DLGAP3: variants seen among roughly 807,000 people sequenced by gnomAD.
The protein encoded by DLGAP3 is disks large-associated protein 3.
A neutral mutation model predicts 81.2 loss-of-function variants in DLGAP3; 17 were observed. The observed-to-expected ratio is 0.21, with a 90% CI of 0.14 to 0.31. The LOEUF (loss-of-function observed/expected upper bound fraction) is 0.31. DLGAP3 is among the 10% of genes least tolerant of loss of function. The probability of loss-of-function intolerance (pLI) is 1.00; values close to 1 mark genes in which losing one functional copy is unlikely to be tolerated. For synonymous variants in DLGAP3, 577 were observed against 587.4 expected (o/e 0.98, Z 0.26); for missense variants, 1,124 against 1,388.0 (o/e 0.81, Z 3.02).
intron 8 of DLGAP3, 137 bp downstream of exon 8, chr1:34,884,841 A>T: frequency 1.4e-6 from 1 of 729,414 alleles, no homozygotes; most frequent in Non-Finnish European, 2.4e-6. Flanking sequence ...GGCTGCTCTG[A>T]CCACCCTCTA....
In DLGAP3 at chr1:34,867,648, C is replaced by T. The variant is rs1354163990; in HGVS notation, c.2486-21G>A. On this transcript the variant is annotated intron_variant, in intron 9 of 11. Transcript: ENST00000373347. This position sits in a 1 kb window ranked among gnomAD's most constrained non-coding sequence, Gnocchi z 4.3. ...CAGGACTAGAAAGCAGAAGGAAATT[C>T]AGGGAGGGAAATGATGCATCTCCTT... is the stretch of plus-strand genomic sequence containing the variant. 3.8e-6 allele frequency: 6 copies of T among 1,590,894 alleles called. No homozygotes were observed. In the African/African-American group the frequency reaches 4.0e-5, roughly 11 times the overall value.
Position 34,885,588 on chromosome 1 carries a change from G to T in DLGAP3, c.1804C>A (p.Pro602Thr). Residue 602 changes from proline (P) to threonine (T), a missense_variant, in exon 7 of 12, where the codon CCC becomes ACC. By Grantham distance (38) the Pro-to-Thr change is conservative (BLOSUM62 -1). Coordinates refer to ENST00000373347, the MANE Select transcript of DLGAP3 (RefSeq NM_001080418.3). ...GTGGGGGGCTTGGGGCTGGCCCGGG[G>T]CGGCACCGGCGCCAACTCCAGTGTG... ...ARTLELAPVP[P>T]RASPKPPTLI... is the part of the protein sequence containing the mutation. The T allele has an allele frequency of 1.3e-6, 2 of 1,594,058 alleles. No individual in the cohort carries two copies. Among genetic ancestry groups the T allele is most frequent in the South Asian group, 1.1e-5 (1 of 89,690 alleles).
intron 8 of DLGAP3, among the ~76,000 whole-genome samples, chr1:34,875,090 G>A (rs1229996011): frequency 6.6e-6 from 1 of 152,142 alleles, no homozygotes; most frequent in Non-Finnish European, 1.5e-5. Context: ...GGTAGCATCT[G>A]TGCCCAGGGC....
rs767562574 is a variant in DLGAP3, at chr1:34,904,806, C to T, written c.578G>A (p.Arg193Gln). The T allele has an allele frequency of 3.7e-6, 6 of 1,610,486 alleles. No individual in the cohort carries two copies. Among genetic ancestry groups the T allele is most frequent in the Non-Finnish European group, 4.2e-6 (5 of 1,179,994 alleles). ...KSHSLEAPGKRDYNGPKAEGR... is the reference protein window; with the variant it reads ...KSHSLEAPGKQDYNGPKAEGR... ...CTCAGCCTTGGGCCCATTATAGTCC[C>T]GCTTCCCCGGCGCCTCCAGAGAGTG... is the stretch of plus-strand genomic sequence containing the variant. Residue 193 changes from arginine to glutamine, a missense_variant, in exon 3 of 12, where the codon CGG becomes CAG. Transcript: ENST00000373347. The surrounding 1 kb of genome is among the most constrained non-coding windows in gnomAD (Gnocchi z 8.1).
intron 1 of DLGAP3, among the ~76,000 whole-genome samples, chr1:34,915,633 G>A (rs190669457): frequency 1.3e-3 from 197 of 152,320 alleles, no homozygotes; most frequent in African/African-American, 4.5e-3. Context: ...TCCCACAGGA[G>A]AGTCCAGCAC....
intron 1 of DLGAP3, among the ~76,000 whole-genome samples, chr1:34,908,445 G>A (rs892587628): frequency 1.3e-5 from 2 of 152,230 alleles, no homozygotes; most frequent in African/African-American, 4.8e-5. Flanking sequence ...GAAGAGGTGT[G>A]CAAATAGGGA....
intron 8 of DLGAP3, among the ~76,000 whole-genome samples, chr1:34,871,347 C>CTTG (rs1638977565): frequency 1.3e-5 from 2 of 152,200 alleles, no homozygotes; most frequent in Non-Finnish European, 2.9e-5. Context: ...AATGGCCTTC[C>CTTG]TCCTCCTGGC....
rs116712154 is a variant in DLGAP3, at chr1:34,875,051, C to T, written c.2001-5962G>A. On this transcript the variant is annotated intron_variant, in intron 8 of 11. Coordinates refer to ENST00000373347, the MANE Select transcript of DLGAP3 (RefSeq NM_001080418.3). ...GGAGTCATGAGGGTCAGTCAGAAACCGTCCTAAATTTGCAGGCTCAGGAAT... is the reference window on the plus strand; with the variant it reads ...GGAGTCATGAGGGTCAGTCAGAAACTGTCCTAAATTTGCAGGCTCAGGAAT... Among the ~76,000 whole-genome samples, 1,409 of 152,158 alleles carry T rather than the reference C, an allele frequency of 9.3e-3. 17 individuals are homozygous for T. The highest frequency in any genetic ancestry group is 0.03 in the African/African-American group (1,244 of 41,518).
intron 1 of DLGAP3, among the ~76,000 whole-genome samples, chr1:34,928,437 G>A (rs1171352079): frequency 6.6e-6 from 1 of 151,894 alleles, no homozygotes; most frequent in Admixed American, 6.6e-5. Context: ...ACCCACCAGG[G>A]GCCTTAGCAT....
At position 34,926,427 on chromosome 1, in the gene DLGAP3, G is replaced by T. The variant is rs903504173; in HGVS notation, c.-135+3024C>A. 2.7e-4 allele frequency among the ~76,000 whole-genome samples: 41 copies of T among 152,220 alleles called. 1 individual carries two copies. Among genetic ancestry groups the T allele is most frequent in the Non-Finnish European group, 2.9e-5 (2 of 68,042 alleles). ...CCCCAGACGGCAGGAGGCCCGCTGA[G>T]CCAGCAGCCTTCAGACTGGGGAGGG... On this transcript the variant is annotated intron_variant, in intron 1 of 11. Coordinates refer to ENST00000373347, the MANE Select transcript of DLGAP3 (RefSeq NM_001080418.3).
intron 1 of DLGAP3, among the ~76,000 whole-genome samples, chr1:34,909,662 T>C (rs1190897070): frequency 1.3e-5 from 2 of 152,302 alleles, no homozygotes; most frequent in East Asian, 1.9e-4. Flanking sequence ...AGAAAATATT[T>C]AATTAACAAC....
At chr1:34,916,881 AAGAGAC>A (rs1200807983) in intron 1 of DLGAP3, among the ~76,000 whole-genome samples, 1 of 151,782 alleles carries the variant, frequency 6.6e-6, no homozygotes, top group Non-Finnish European at 1.5e-5. Context: ...TGCATGTTAG[AAGAGAC>A]AGGGTTTCAT....
At chr1:34,896,481 C>T (rs950574077) in intron 5 of DLGAP3, among the ~76,000 whole-genome samples, 3 of 151,880 alleles carry the variant, frequency 2.0e-5, no homozygotes, top group African/African-American at 4.8e-5. Flanking sequence ...CCCAGTTATT[C>T]GGGAGGCTGA....
chr1:34,922,333 T>A (rs1259073173), intron 1 of DLGAP3, among the ~76,000 whole-genome samples: 1 of 152,224 alleles, frequency 6.6e-6, no homozygotes, highest in African/African-American at 2.4e-5. Flanking sequence ...CTCAAGCTGT[T>A]GGGAAGACAC....
Position 34,900,279 on chromosome 1 carries a change from G to A in DLGAP3, c.1108-6C>T. On this transcript the variant is annotated splice_region_variant and splice_polypyrimidine_tract_variant and intron_variant, in intron 3 of 11. Coordinates refer to ENST00000373347, the MANE Select transcript of DLGAP3 (RefSeq NM_001080418.3). This position sits in a 1 kb window ranked among gnomAD's most constrained non-coding sequence, Gnocchi z 5.6. ...CCCCAGTCATCTTGCGGCACCTGCA[G>A]GAACAGGGGTCTCTGTCTCTCAGAC... 6.2e-7 allele frequency: 1 copy of A among 1,613,302 alleles called. No individual in the cohort carries two copies.
intron 8 of DLGAP3, among the ~76,000 whole-genome samples, chr1:34,884,242 A>G (rs1355825819): frequency 6.6e-6 from 1 of 151,884 alleles, no homozygotes; most frequent in East Asian, 1.9e-4. Context: ...TTATTCCTCC[A>G]GTCGTATGGC....
chr1:34,923,684 G>T (rs1183140613), intron 1 of DLGAP3, among the ~76,000 whole-genome samples: 1 of 151,624 alleles, frequency 6.6e-6, no homozygotes, highest in African/African-American at 2.4e-5. Context: ...CCCCAAACAG[G>T]CACCCACACC....
chr1:34,929,296 G>A lies in DLGAP3; in HGVS notation c.-135+155C>T, dbSNP rs1436072904. On this transcript the variant is annotated intron_variant, in intron 1 of 11. Coordinates refer to ENST00000373347, the MANE Select transcript of DLGAP3 (RefSeq NM_001080418.3). This position sits in a 1 kb window ranked among gnomAD's most constrained non-coding sequence, Gnocchi z 6.5. Reference sequence around the variant, plus strand: ...GGCCGGGGCAGGAGCGGGGGCAGCTGAGGAGGCCCAGCCCCTCCCCCCTCC... The same window carrying A: ...GGCCGGGGCAGGAGCGGGGGCAGCTAAGGAGGCCCAGCCCCTCCCCCCTCC... Among the ~76,000 whole-genome samples, 1 of 150,524 alleles carries A rather than the reference G, an allele frequency of 6.6e-6. No individual in the cohort carries two copies. Among genetic ancestry groups the A allele is most frequent in the African/African-American group, 2.4e-5 (1 of 41,222 alleles).
At position 34,867,774 on chromosome 1, in the gene DLGAP3, C is replaced by G. The variant is rs982776123; in HGVS notation, c.2486-147G>C. On this transcript the variant is annotated intron_variant, in intron 9 of 11. Coordinates refer to ENST00000373347, the MANE Select transcript of DLGAP3 (RefSeq NM_001080418.3). This position sits in a 1 kb window ranked among gnomAD's most constrained non-coding sequence, Gnocchi z 4.3. Reference sequence around the variant, plus strand: ...TCCAGCCCCAGCCCCATCCCATCCTCAAGTTCCTAACAAGTTCTCGCTCCA... The same window carrying G: ...TCCAGCCCCAGCCCCATCCCATCCTGAAGTTCCTAACAAGTTCTCGCTCCA... 2 of 721,122 alleles carry G rather than the reference C, an allele frequency of 2.8e-6. No homozygotes were observed. Among genetic ancestry groups the G allele is most frequent in the African/African-American group, 1.7e-5 (1 of 57,802 alleles). 44.7% of individuals were successfully genotyped at this position (721,122 alleles called of 1,614,324 possible).
Sources: allele counts gnomAD v4.1 joint callset (sites outside exome capture counted in the v4.1 genomes callset), GRCh38; gene constraint gnomAD v4.1.1; non-coding constraint Gnocchi (gnomAD v3.1); transcripts MANE v1.5; gene names NCBI Gene and HGNC (gene_info 2026-07-23, HGNC 2026-07-21).